CENPW: variants seen among roughly 807,000 people sequenced by gnomAD.
The protein encoded by CENPW is cancer-up-regulated gene 2 protein.
A neutral mutation model predicts 11.1 loss-of-function variants in CENPW; 3 were observed. That is an observed-to-expected ratio of 0.27 (90% CI 0.12 to 0.70). CENPW has a LOEUF of 0.70. CENPW is among the 30% of genes least tolerant of loss of function. The pLI is 0.77. For missense variants in CENPW, 100 were observed against 105.6 expected (o/e 0.95, Z 0.23); for synonymous variants, 38 against 42.0 (o/e 0.91, Z 0.37).
chr6:126,347,474 A>G (rs1780432005), intron 2 of CENPW, among the ~76,000 whole-genome samples: 1 of 152,136 alleles, frequency 6.6e-6, no homozygotes, highest in African/African-American at 2.4e-5. Context: ...TGAGTACATA[A>G]TATACTCAGC....
chr6:126,344,951 T>C (rs1203906836), intron 1 of CENPW, among the ~76,000 whole-genome samples: 4 of 152,134 alleles, frequency 2.6e-5, no homozygotes, highest in African/African-American at 9.7e-5. Context: ...AATAACAAAA[T>C]AAATCATGGT....
intron 2 of CENPW, 60 bp downstream of exon 2, chr6:126,346,378 A>G: frequency 1.0e-6 from 1 of 972,528 alleles, no homozygotes. Context: ...CACTCGGTTC[A>G]TCACCTCTCC....
At chr6:126,477,936 C>A in the CENPW span, among the ~76,000 whole-genome samples, 3 of 152,102 alleles carry the variant, frequency 2.0e-5, no homozygotes, top group South Asian at 6.2e-4. Context: ...ACTGCTTCAT[C>A]TGCAGATGAA....
the CENPW span, among the ~76,000 whole-genome samples, chr6:126,419,641 G>A: frequency 6.6e-6 from 1 of 150,922 alleles, no homozygotes; most frequent in East Asian, 2.0e-4. Flanking sequence ...GAGACCAGAA[G>A]TCCGAAATTG....
chr6:126,394,526 T>C, the CENPW span, among the ~76,000 whole-genome samples: 1 of 152,120 alleles, frequency 6.6e-6, no homozygotes, highest in Non-Finnish European at 1.5e-5. Context: ...TTTTTGATCA[T>C]TTAGTCTTTT....
intron 1 of CENPW, among the ~76,000 whole-genome samples, chr6:126,342,905 T>C (rs1427755224): frequency 6.6e-6 from 1 of 152,226 alleles, no homozygotes; most frequent in Non-Finnish European, 1.5e-5. Flanking sequence ...TGTTATTTTA[T>C]TATTCTTCAC....
the CENPW span, among the ~76,000 whole-genome samples, chr6:126,368,649 A>G: frequency 6.7e-6 from 1 of 149,518 alleles, no homozygotes; most frequent in African/African-American, 2.5e-5. Flanking sequence ...CCCAATGTGT[A>G]GTTTTTTTTT....
chr6:126,345,790 C>G (rs1043265722), intron 1 of CENPW, among the ~76,000 whole-genome samples: 5 of 151,728 alleles, frequency 3.3e-5, no homozygotes, highest in African/African-American at 1.2e-4. Flanking sequence ...AATCTTTGAC[C>G]TCAGATTGTA....
the CENPW span, among the ~76,000 whole-genome samples, chr6:126,430,983 G>T: frequency 6.6e-6 from 1 of 151,954 alleles, no homozygotes; most frequent in South Asian, 2.1e-4. Flanking sequence ...AATCCAACTA[G>T]TGAATGTTTT....
At chr6:126,383,603 GAAAA>G in the CENPW span, among the ~76,000 whole-genome samples, 1 of 149,680 alleles carries the variant, frequency 6.7e-6, no homozygotes, top group African/African-American at 2.5e-5. Flanking sequence ...ATGGAAAAAA[GAAAA>G]AAAAATCAGG....
the CENPW span, among the ~76,000 whole-genome samples, chr6:126,476,114 GT>G: frequency 5.9e-5 from 9 of 151,670 alleles, no homozygotes; most frequent in African/African-American, 2.2e-4. Flanking sequence ...AGGTGATTAA[GT>G]TTTTCCCCTC....
the CENPW span, among the ~76,000 whole-genome samples, chr6:126,462,839 T>C: frequency 6.6e-6 from 1 of 152,060 alleles, no homozygotes; most frequent in Non-Finnish European, 1.5e-5. Context: ...AATCAACTGC[T>C]GGATTAACTG....
At chr6:126,350,532 A>C (rs1478081317), downstream of CENPW, among the ~76,000 whole-genome samples, 2 of 152,246 alleles carry the variant, frequency 1.3e-5, no homozygotes, top group Admixed American at 1.3e-4. Flanking sequence ...ATACCATCAC[A>C]CTGGTGATTA....
downstream of CENPW, among the ~76,000 whole-genome samples, chr6:126,349,164 C>CT (rs1562381649): frequency 6.6e-6 from 1 of 151,956 alleles, no homozygotes; most frequent in Non-Finnish European, 1.5e-5. Context: ...ATAGTTGTTA[C>CT]TTTTAACTTT....
At chr6:126,382,180 T>C in the CENPW span, among the ~76,000 whole-genome samples, 1 of 151,916 alleles carries the variant, frequency 6.6e-6, no homozygotes, top group Admixed American at 6.6e-5. Context: ...GAGGTTGCAG[T>C]GAGCCGAGAT....
the CENPW span, among the ~76,000 whole-genome samples, chr6:126,406,902 C>T: frequency 6.6e-6 from 1 of 151,956 alleles, no homozygotes; most frequent in African/African-American, 2.4e-5. Context: ...CCATTCAGTC[C>T]TGGGCTTTCC....
the CENPW span, among the ~76,000 whole-genome samples, chr6:126,390,171 C>G: frequency 9.2e-5 from 14 of 151,918 alleles, no homozygotes; most frequent in Admixed American, 2.6e-4. Context: ...TACTTTTTTT[C>G]CATGTCTACT....
At chr6:126,436,492 T>C in the CENPW span, among the ~76,000 whole-genome samples, 1 of 151,856 alleles carries the variant, frequency 6.6e-6, no homozygotes, top group Non-Finnish European at 1.5e-5. Flanking sequence ...CATCCAGATA[T>C]GATATTTCCT....
chr6:126,406,209 T>A, the CENPW span, among the ~76,000 whole-genome samples: 17 of 152,218 alleles, frequency 1.1e-4, no homozygotes, highest in African/African-American at 4.1e-4. Flanking sequence ...ATTGAGAGGA[T>A]TATATGGCTT....
Sources: gnomAD v4.1 joint callset for allele counts (sites outside exome capture counted in the v4.1 genomes callset) on GRCh38, gnomAD v4.1.1 for gene constraint, MANE v1.5 for transcripts, NCBI Gene and HGNC (gene_info 2026-07-23, HGNC 2026-07-21) for gene names.